The following NRIP1 variants were observed in gnomAD, a reference collection of about 807,000 sequenced individuals.
The protein encoded by NRIP1 is nuclear receptor-interacting protein 1.
NRIP1 carries 28 observed loss-of-function variants against 75.0 expected under a neutral mutation model. That is an observed-to-expected ratio of 0.37 (90% CI 0.28 to 0.51). The LOEUF (loss-of-function observed/expected upper bound fraction) is 0.51. Ranked by LOEUF, NRIP1 falls within the 20% of genes least tolerant of loss-of-function variation. The pLI is 0.92. For missense variants in NRIP1, 1,435 were observed against 1,343.7 expected (o/e 1.07, Z -1.06); for synonymous variants, 526 against 487.6 (o/e 1.08, Z -1.04).
chr21:14,972,127 G>C (rs946979690), intron 3 of NRIP1, among the ~76,000 whole-genome samples: 2 of 152,112 alleles, frequency 1.3e-5, no homozygotes, highest in Non-Finnish European at 1.5e-5. Context: ...TCTATCCTAG[G>C]AAAGCAGGAA....
At position 14,967,418 on chromosome 21, in the gene NRIP1, G is replaced by A; in HGVS notation, c.775C>T (p.Pro259Ser). 6.2e-7 allele frequency: 1 copy of A among 1,614,108 alleles called. No homozygotes were observed. The highest frequency in any genetic ancestry group is 1.3e-5 in the African/African-American group (1 of 75,040). The change falls in exon 4 of 4, where the codon CCT (proline) becomes TCT (serine). Residue 259 changes from proline to serine, a missense_variant. Transcript: ENST00000318948. The part of the protein sequence containing the change: ...KRASPATSPK[P>S]SVACSQLALL... ...GCTAACTGGCTACAAGCAACACTAG[G>A]TTTAGGTGAGGTGGCAGGACTAGCC...
intron 1 of NRIP1, among the ~76,000 whole-genome samples, chr21:15,048,290 A>G (rs1307134760): frequency 2.6e-5 from 4 of 152,246 alleles, no homozygotes; most frequent in Admixed American, 2.0e-4. Context: ...CAGGGCTGCC[A>G]CAAACCTTCA....
At position 15,018,326 on chromosome 21, in the gene NRIP1, A is replaced by C. The variant is rs1272241842; in HGVS notation, c.-457-3860T>G. Among the ~76,000 whole-genome samples the C allele has an allele frequency of 2.0e-5, 3 of 152,204 alleles. No homozygotes were observed. In the East Asian group the frequency reaches 5.8e-4, roughly 29 times the overall value. Reference sequence around the variant, plus strand: ...TGCTAGGTGTTGGAATTACAACATGAATAAGACGAACACAGTTCCCATGGG... The same window carrying C: ...TGCTAGGTGTTGGAATTACAACATGCATAAGACGAACACAGTTCCCATGGG... On this transcript the variant is annotated intron_variant, in intron 2 of 3. Transcript: ENST00000318948.
chr21:14,966,016 T>C lies in NRIP1; in HGVS notation c.2177A>G (p.Glu726Gly). ...LLGNPNKGKS[E>G]KKEKTPLRDE... ...TCTTAAGGGAGTTTTCTCTTTTTTT[T>C]CACTCTTCCCTTTGTTGGGGTTCCC... Residue 726 changes from glutamate (E) to glycine (G), a missense_variant, in exon 4 of 4, where the codon GAA becomes GGA. Transcript: ENST00000318948. 6.2e-7 allele frequency: 1 copy of C among 1,611,590 alleles called. No homozygotes were observed. The highest frequency in any genetic ancestry group is 8.5e-7 in the Non-Finnish European group (1 of 1,179,416).
At chr21:15,037,755 T>G (rs923209090) in intron 2 of NRIP1, among the ~76,000 whole-genome samples, 1 of 152,132 alleles carries the variant, frequency 6.6e-6, no homozygotes, top group Non-Finnish European at 1.5e-5. Context: ...AACCAAATAT[T>G]TGATCATGAG....
intron 3 of NRIP1, among the ~76,000 whole-genome samples, chr21:14,996,384 G>A (rs953995381): frequency 2.0e-5 from 3 of 152,142 alleles, no homozygotes; most frequent in Admixed American, 6.5e-5. Context: ...GTCTTTGGGC[G>A]TCTGTGTGAG....
At chr21:15,011,555 A>T (rs1437307478) in intron 3 of NRIP1, among the ~76,000 whole-genome samples, 1 of 152,186 alleles carries the variant, frequency 6.6e-6, no homozygotes, top group Admixed American at 6.5e-5. Context: ...TTTTAAACTC[A>T]AGACATCTAT....
At position 15,001,164 on chromosome 21, in the gene NRIP1, A is replaced by G. The variant is rs1403832814; in HGVS notation, c.-335+13180T>C. ...GTAAAGCTATATACTAGTTTCAAGA[A>G]TACAAAAGTAAACAATAGGAAACAA... On this transcript the variant is annotated intron_variant, in intron 3 of 3. Transcript: ENST00000318948. 3.9e-5 allele frequency among the ~76,000 whole-genome samples: 6 copies of G among 152,210 alleles called. No homozygotes were observed. The South Asian group carries it at 1.0e-3, about 26-fold the overall frequency.
chr21:14,965,161 C>T lies in NRIP1; in HGVS notation c.3032G>A (p.Ser1011Asn). 1 of 1,613,198 alleles carries T rather than the reference C, an allele frequency of 6.2e-7. No homozygotes were observed. The highest frequency in any genetic ancestry group is 8.5e-7 in the Non-Finnish European group (1 of 1,179,930). The change falls in exon 4 of 4, where the codon AGT becomes AAT. Residue 1011 changes from serine (S) to asparagine (N), a missense_variant. Physicochemically the swap from Ser to Asn is conservative, Grantham distance 46. Transcript: ENST00000318948. Reference sequence around the variant, plus strand: ...GCCCAAGTGCTCAGGGAAAGTAGGACTCACAGGAGTTTTTACTACACCTGG... The same window carrying T: ...GCCCAAGTGCTCAGGGAAAGTAGGATTCACAGGAGTTTTTACTACACCTGG... ...SYPGVVKTPV[S>N]PTFPEHLGCA... is the part of the protein sequence containing the mutation.
chr21:15,055,187 C>G (rs1286171593), intron 1 of NRIP1, among the ~76,000 whole-genome samples: 1 of 152,134 alleles, frequency 6.6e-6, no homozygotes, highest in Admixed American at 6.5e-5. Context: ...GGTCCATAAA[C>G]TTTGAGATAT....
chr21:15,038,847 C>T (rs190755065), intron 2 of NRIP1, among the ~76,000 whole-genome samples: 2 of 152,154 alleles, frequency 1.3e-5, no homozygotes, highest in African/African-American at 4.8e-5. Context: ...ACAGGTATGT[C>T]CTCCTTCTAG....
At chr21:15,038,382 T>C (rs993263192) in intron 2 of NRIP1, among the ~76,000 whole-genome samples, 1 of 152,082 alleles carries the variant, frequency 6.6e-6, no homozygotes, top group Non-Finnish European at 1.5e-5. Flanking sequence ...AGAGGAAATT[T>C]GGAAAAATTA....
At chr21:14,995,190 C>T (rs2087688613) in intron 3 of NRIP1, among the ~76,000 whole-genome samples, 1 of 152,162 alleles carries the variant, frequency 6.6e-6, no homozygotes, top group Non-Finnish European at 1.5e-5. Context: ...AAGCAGAAAT[C>T]ACAAGACATA....
In NRIP1 at chr21:14,964,899, A is replaced by T. The variant is rs774787063; in HGVS notation, c.3294T>A (p.Ser1098Arg). The T allele has an allele frequency of 1.2e-5, 19 of 1,613,146 alleles. No individual in the cohort carries two copies. The highest frequency in any genetic ancestry group is 2.2e-5 in the East Asian group (1 of 44,896). The change falls in exon 4 of 4, where the codon AGT (serine) becomes AGA (arginine). Residue 1098 changes from serine (S) to arginine (R), a missense_variant. Transcript: ENST00000318948. ...CTTCTTTGGCTGTGACCTGTGAGACACTTTCAGCAGATGAAGCCTCCCTCC... is the reference window on the plus strand; with the variant it reads ...CTTCTTTGGCTGTGACCTGTGAGACTCTTTCAGCAGATGAAGCCTCCCTCC... ...DIWREASSAE[S>R]VSQVTAKEEL... is the part of the protein sequence containing the mutation.
At chr21:15,010,822 T>C (rs750291415) in intron 3 of NRIP1, among the ~76,000 whole-genome samples, 2 of 152,072 alleles carry the variant, frequency 1.3e-5, no homozygotes, top group South Asian at 4.2e-4. Flanking sequence ...TGGCTGGCTG[T>C]GAGAAAGGGA....
In NRIP1 at chr21:14,966,847, G is replaced by C; in HGVS notation, c.1346C>G (p.Thr449Ser). ...AGGTTGGTCAGATTCTGATTTTTCA[G>C]TTCGGTGTTTGCAAGACAAGTCTAT... ...VPIDLSCKHRTEKSESDQPVS... is the reference protein window; with the variant it reads ...VPIDLSCKHRSEKSESDQPVS... Residue 449 changes from threonine to serine, a missense_variant, in exon 4 of 4, where the codon ACT becomes AGT. Physicochemically the swap from Thr to Ser is moderately conservative, Grantham distance 58. Transcript: ENST00000318948. The C allele has an allele frequency of 7.4e-6, 12 of 1,614,120 alleles. No individual in the cohort carries two copies. Among genetic ancestry groups the C allele is most frequent in the Non-Finnish European group, 1.0e-5 (12 of 1,180,002 alleles).
rs891963675 is a variant in NRIP1 at position 14,961,865 on chromosome 21, T to C, written c.*2851A>G. The stretch of plus-strand genomic sequence containing the variant: ...TATATTTACACTTATACATGGAATA[T>C]ACAGGAACCAAAGAGATTAAAAGGC... On this transcript the variant is annotated 3_prime_UTR_variant, in exon 4 of 4. Transcript: ENST00000318948. The C allele has an allele frequency of 2.0e-5, 3 of 152,192 alleles. No homozygotes were observed. Among genetic ancestry groups the C allele is most frequent in the Non-Finnish European group, 4.4e-5 (3 of 67,808 alleles). The allele number at this position is 152,192 out of a possible 1,614,324, so 9.4% of individuals were successfully genotyped here. A position where few individuals can be genotyped will look rare whatever the true frequency, so the allele number is the denominator to read the frequency against.
chr21:15,061,816 T>C (rs1277061555), intron 1 of NRIP1, among the ~76,000 whole-genome samples: 1 of 152,266 alleles, frequency 6.6e-6, no homozygotes, highest in Non-Finnish European at 1.5e-5. Context: ...AAATTACTTC[T>C]ATGTCATTGT....
At chr21:15,061,101 A>C (rs916441711) in intron 1 of NRIP1, among the ~76,000 whole-genome samples, 5 of 152,214 alleles carry the variant, frequency 3.3e-5, no homozygotes, top group African/African-American at 1.2e-4. Flanking sequence ...TTTAGTTCAC[A>C]GATTCAAACT....
Sources: gnomAD v4.1 joint callset for allele counts (sites outside exome capture counted in the v4.1 genomes callset) on GRCh38, gnomAD v4.1.1 for gene constraint, MANE v1.5 for transcripts, NCBI Gene and HGNC (gene_info 2026-07-23, HGNC 2026-07-21) for gene names.